The following ATP6V0D2 variants were observed in gnomAD, a reference collection of about 807,000 sequenced individuals.
ATP6V0D2 encodes ATPase H+ transporting V0 subunit d2, also known as V-type proton ATPase subunit d 2.
ATP6V0D2 carries 40 observed loss-of-function variants against 40.0 expected under a neutral mutation model. The observed-to-expected ratio is 1.00, with a 90% CI of 0.78 to 1.30. The LOEUF (loss-of-function observed/expected upper bound fraction) is 1.30, where lower values mean the gene tolerates loss of function less well. Among genes scored for constraint, ATP6V0D2 ranks in the 50% most tolerant of loss-of-function variants. ATP6V0D2 has a pLI of 0.00. For missense variants in ATP6V0D2, 470 were observed against 423.1 expected, an observed-to-expected ratio of 1.11 and a Z score of -0.97; for synonymous variants, 179 against 156.3, an observed-to-expected ratio of 1.15 and a Z score of -1.08.
intron 4 of ATP6V0D2, among the ~76,000 whole-genome samples, chr8:86,142,058 G>A (rs1248124821): frequency 1.3e-5 from 2 of 152,184 alleles, no homozygotes; most frequent in African/African-American, 2.4e-5. Flanking sequence ...CACCATTTGA[G>A]TAGCTGTATA....
At chr8:86,141,429 T>C (rs777294508) in intron 3 of ATP6V0D2, 21 bp from the exon 4 acceptor site, 5 of 1,593,402 alleles carry the variant, frequency 3.1e-6, no homozygotes, top group Non-Finnish European at 4.3e-6. Context: ...CATTTTTTGG[T>C]ATGGCAATTT....
chr8:86,145,151 A>C (rs1819030092), intron 5 of ATP6V0D2, among the ~76,000 whole-genome samples: 1 of 144,450 alleles, frequency 6.9e-6, no homozygotes, highest in Admixed American at 7.0e-5. Flanking sequence ...TGGGCAACAG[A>C]GTGAGACTCA....
At chr8:86,139,324 T>C in intron 2 of ATP6V0D2, 133 bp from the exon 3 acceptor site, 1 of 675,514 alleles carries the variant, frequency 1.5e-6, no homozygotes, top group African/African-American at 1.8e-5. Flanking sequence ...ACCCCAGTGT[T>C]TAAAATAAAA....
Position 86,113,834 on chromosome 8 carries a change from C to A in ATP6V0D2, c.256C>A (p.Arg86=), listed in dbSNP as rs149485196. The A allele has an allele frequency of 1.5e-4, 248 of 1,613,728 alleles. No individual in the cohort carries two copies. The highest frequency in any genetic ancestry group is 1.4e-3 in the African/African-American group (105 of 74,976). The change falls in exon 2 of 8, where the codon CGG becomes AGG. Residue 86 remains arginine, a synonymous_variant. Transcript: ENST00000285393. ...ACTATGTGGAGAATTTGAGTATTTCCGGAATCATTCCCTGGAGCCCCTCAG... is the reference window on the plus strand; with the variant it reads ...ACTATGTGGAGAATTTGAGTATTTCAGGAATCATTCCCTGGAGCCCCTCAG... ...KRLCGEFEYF[R]NHSLEPLSTF... is the part of the protein sequence containing the mutation.
At chr8:86,113,972 CT>C in intron 2 of ATP6V0D2, 92 bp downstream of exon 2, 1 of 1,186,702 alleles carries the variant, frequency 8.4e-7, no homozygotes, top group South Asian at 2.1e-5. Context: ...CAGAGTGAGA[CT>C]TAAGACCTTT....
At chr8:86,151,169 A>G (rs1342365360) in intron 6 of ATP6V0D2, among the ~76,000 whole-genome samples, 2 of 152,168 alleles carry the variant, frequency 1.3e-5, no homozygotes, top group Non-Finnish European at 1.5e-5. Context: ...AGCTTCTATA[A>G]TGTACCTAGC....
At chr8:86,114,044 C>T (rs761840508) in intron 2 of ATP6V0D2, among the ~76,000 whole-genome samples, 164 bp downstream of exon 2, 2 of 151,960 alleles carry the variant, frequency 1.3e-5, no homozygotes, top group Non-Finnish European at 2.9e-5. Flanking sequence ...CATAGAGCCA[C>T]ATTTTTGCAT....
At chr8:86,132,657 A>G (rs1365540077) in intron 2 of ATP6V0D2, among the ~76,000 whole-genome samples, 4 of 152,138 alleles carry the variant, frequency 2.6e-5, no homozygotes, top group African/African-American at 9.7e-5. Flanking sequence ...CAAATGACAT[A>G]TTATTCTTTT....
chr8:86,110,041 G>C (rs1818511993), intron 1 of ATP6V0D2, among the ~76,000 whole-genome samples: 1 of 152,034 alleles, frequency 6.6e-6, no homozygotes, highest in South Asian at 2.1e-4. Context: ...CTTTAAAATT[G>C]ACACATAAAA....
intron 5 of ATP6V0D2, among the ~76,000 whole-genome samples, chr8:86,148,057 C>T (rs1195227110): frequency 6.6e-6 from 1 of 152,180 alleles, no homozygotes; most frequent in African/African-American, 2.4e-5. Context: ...CTGGACTCTG[C>T]TGTTTGCCAG....
In ATP6V0D2 at chr8:86,151,322, G is replaced by A; in HGVS notation, c.817-144G>A. On this transcript the variant is annotated intron_variant, in intron 6 of 7. Transcript: ENST00000285393. ...GATTTTTTTATTGTTTCTTCGGGAG[G>A]CCAAAATCCTATAAAAAAACATTCA... 4.9e-6 allele frequency: 3 copies of A among 611,140 alleles called. 1 individual carries two copies. Among genetic ancestry groups the A allele is most frequent in the South Asian group, 5.3e-5 (2 of 37,922 alleles). 37.9% of individuals were successfully genotyped at this position (611,140 alleles called of 1,614,324 possible). A position where few individuals can be genotyped will look rare whatever the true frequency, so the allele number is the denominator to read the frequency against.
rs1819180302 is a variant in ATP6V0D2 at position 86,153,133 on chromosome 8, C to T, written c.*156C>T. On this transcript the variant is annotated 3_prime_UTR_variant, in exon 8 of 8. Coordinates refer to ENST00000285393, the MANE Select transcript of ATP6V0D2 (RefSeq NM_152565.1). Reference sequence around the variant, plus strand: ...ATCCATGGAAACACAGTAAACCAGCCCTGAAACAAAGCATTTCCTTGTTTT... The same window carrying T: ...ATCCATGGAAACACAGTAAACCAGCTCTGAAACAAAGCATTTCCTTGTTTT... The T allele has an allele frequency of 1.9e-6, 1 of 533,898 alleles. No homozygotes were observed. The highest frequency in any genetic ancestry group is 3.0e-6 in the Non-Finnish European group (1 of 329,316). The allele number at this position is 533,898 out of a possible 1,614,324, so 33.1% of individuals were successfully genotyped here.
intron 1 of ATP6V0D2, among the ~76,000 whole-genome samples, chr8:86,104,552 C>T (rs1341764251): frequency 6.6e-6 from 1 of 151,912 alleles, no homozygotes; most frequent in African/African-American, 2.4e-5. Flanking sequence ...TATATGATTA[C>T]CTAGCTACAA....
At chr8:86,103,309 T>C (rs1563554317) in intron 1 of ATP6V0D2, among the ~76,000 whole-genome samples, 1 of 151,312 alleles carries the variant, frequency 6.6e-6, no homozygotes, top group Non-Finnish European at 1.5e-5. Context: ...TTTTTTTTTT[T>C]TAGTAGAGAT....
At chr8:86,123,822 A>G (rs985599487) in intron 2 of ATP6V0D2, among the ~76,000 whole-genome samples, 2 of 152,168 alleles carry the variant, frequency 1.3e-5, no homozygotes, top group Non-Finnish European at 2.9e-5. Flanking sequence ...CTCTTTTTCT[A>G]TACATTTTTA....
intron 2 of ATP6V0D2, among the ~76,000 whole-genome samples, chr8:86,114,106 C>A (rs1048515690): frequency 1.3e-5 from 2 of 150,616 alleles, no homozygotes; most frequent in Admixed American, 1.3e-4. Flanking sequence ...GCGGTGGTGG[C>A]CTCCATCTAA....
chr8:86,141,583 T>A, intron 4 of ATP6V0D2, 54 bp downstream of exon 4: 1 of 1,282,026 alleles, frequency 7.8e-7, no homozygotes, highest in Non-Finnish European at 1.1e-6. Flanking sequence ...GTATTGTGAC[T>A]AGAGTTCTCT....
chr8:86,103,005 A>C (rs1359261291), intron 1 of ATP6V0D2, among the ~76,000 whole-genome samples: 4 of 152,244 alleles, frequency 2.6e-5, no homozygotes, highest in African/African-American at 7.2e-5. Flanking sequence ...CTCCTCAAAA[A>C]AGACAAAATA....
chr8:86,140,628 C>CA (rs375594937), intron 3 of ATP6V0D2, among the ~76,000 whole-genome samples: 24 of 151,156 alleles, frequency 1.6e-4, no homozygotes, highest in Admixed American at 6.6e-4. Flanking sequence ...GGAGGGACTT[C>CA]AAAAAAAAGC....
Sources: allele counts gnomAD v4.1 joint callset (sites outside exome capture counted in the v4.1 genomes callset), GRCh38; gene constraint gnomAD v4.1.1; transcripts MANE v1.5; gene names NCBI Gene and HGNC (gene_info 2026-07-23, HGNC 2026-07-21).